Variants in LIMCH1 observed in about 807,000 individuals in gnomAD.
The protein encoded by LIMCH1 is LIM and calponin homology domains 1.
In LIMCH1, 113 loss-of-function variants were observed where a neutral mutation model predicts 176.5. The observed-to-expected ratio is 0.64, with a 90% confidence interval of 0.55 to 0.75. The LOEUF (loss-of-function observed/expected upper bound fraction) is 0.75, where lower values mean the gene tolerates loss of function less well. LIMCH1 is among the 30% of genes least tolerant of loss of function. LIMCH1 has a pLI of 0.00. For missense variants in LIMCH1, 1,674 were observed against 1,814.9 expected (o/e 0.92, Z 1.41); for synonymous variants, 619 against 645.9 (o/e 0.96, Z 0.63).
chr4:41,660,446 TCA>T (rs2094581584), intron 18 of LIMCH1, among the ~76,000 whole-genome samples: 1 of 152,116 alleles, frequency 6.6e-6, no homozygotes, highest in African/African-American at 2.4e-5. Context: ...GAGGTTCAAA[TCA>T]CAGAGACTTC....
exon 2 of LIMCH1, chr4:41,494,581 T>G: frequency 6.2e-7 from 1 of 1,612,830 alleles, no homozygotes; most frequent in South Asian, 1.1e-5. Context: ...TCGGACAGGT[T>G]TAGAAAATGG....
intron 1 of LIMCH1, among the ~76,000 whole-genome samples, chr4:41,371,589 G>A (rs2053970273): frequency 6.6e-6 from 1 of 152,180 alleles, no homozygotes; most frequent in Non-Finnish European, 1.5e-5. Context: ...GGCACCGTTA[G>A]TTCTTTGCGT....
rs180735308 is a variant in LIMCH1, at chr4:41,379,952, C to A, written c.96+19016C>A. On this transcript the variant is annotated intron_variant, in intron 1 of 26. Coordinates refer to the LIMCH1 transcript ENST00000313860. The stretch of plus-strand genomic sequence containing the variant: ...TAGCTGGGATTACAGGTGTGCACTA[C>A]CACACCTGGCTAATTTTGTATTTTT... Among the ~76,000 whole-genome samples, 438 of 152,204 alleles carry A rather than the reference C, an allele frequency of 2.9e-3. 4 individuals carry two copies. Among genetic ancestry groups the A allele is most frequent in the Non-Finnish European group, 5.0e-3 (343 of 68,028 alleles).
Position 41,689,527 on chromosome 4 carries a change from G to T in LIMCH1, c.4167G>T (p.Arg1389Ser). The part of the protein sequence containing the change: ...SPTPPGQSPN[R>S]SISGKKLCSS... ...TTCTTATGTATATTTTTAAACCTAGGTCTATAAGTGGAAAGAAGCTGTGCT... is the reference window on the plus strand; with the variant it reads ...TTCTTATGTATATTTTTAAACCTAGTTCTATAAGTGGAAAGAAGCTGTGCT... Residue 1389 changes from arginine to serine, a missense_variant and splice_region_variant, in exon 30 of 32, where the codon AGG becomes AGT. Physicochemically the swap from Arg to Ser is moderately radical, Grantham distance 110 (BLOSUM62 -1). Transcript: ENST00000503057. The T allele has an allele frequency of 6.4e-7, 1 of 1,569,870 alleles. No individual in the cohort carries two copies. The highest frequency in any genetic ancestry group is 1.3e-5 in the African/African-American group (1 of 74,082).
chr4:41,578,331 G>C (rs534058662), intron 1 of LIMCH1, among the ~76,000 whole-genome samples: 3 of 152,300 alleles, frequency 2.0e-5, no homozygotes, highest in Admixed American at 2.0e-4. Context: ...GAACAGCGTA[G>C]AGGAAACTGC....
intron 1 of LIMCH1, among the ~76,000 whole-genome samples, chr4:41,369,184 C>T (rs1317661095): frequency 2.0e-5 from 3 of 152,230 alleles, no homozygotes; most frequent in South Asian, 2.1e-4. Flanking sequence ...TCTTAGACCC[C>T]CTCCCCCATC....
chr4:41,374,925 T>A (rs2054508707), intron 1 of LIMCH1, among the ~76,000 whole-genome samples: 1 of 152,158 alleles, frequency 6.6e-6, no homozygotes, highest in East Asian at 1.9e-4. Context: ...CACATTCTCA[T>A]TCATGATCAC....
At chr4:41,556,964 C>T (rs1372489329) in intron 1 of LIMCH1, among the ~76,000 whole-genome samples, 1 of 152,174 alleles carries the variant, frequency 6.6e-6, no homozygotes, top group Non-Finnish European at 1.5e-5. Context: ...GTTAATAGAG[C>T]TCTTTATATA....
intron 1 of LIMCH1, among the ~76,000 whole-genome samples, chr4:41,407,582 C>G (rs1028646826): frequency 6.6e-6 from 1 of 152,222 alleles, no homozygotes; most frequent in Non-Finnish European, 1.5e-5. Context: ...TGGTCCGTGT[C>G]CATAGGTGAG....
chr4:41,553,146 G>A (rs1381492821), intron 1 of LIMCH1, among the ~76,000 whole-genome samples: 1 of 152,132 alleles, frequency 6.6e-6, no homozygotes, highest in Non-Finnish European at 1.5e-5. Flanking sequence ...GCAGTGATGG[G>A]CAGCTGTCTG....
rs762741999 is a variant in LIMCH1, at chr4:41,638,936, G to A, written c.2095G>A (p.Gly699Ser). Residue 699 changes from glycine to serine, a missense_variant, in exon 14 of 32, where the codon GGT becomes AGT. This residue lies in a region of LIMCH1 where 1,015 missense variants were observed against 1,102.5 expected (regional missense o/e 0.92). Transcript: ENST00000503057. Reference sequence around the variant, plus strand: ...ATTTTTTATTTGATCTTATAGATACGGTCCGAGAACTCCTGTGTCTGATGA... The same window carrying A: ...ATTTTTTATTTGATCTTATAGATACAGTCCGAGAACTCCTGTGTCTGATGA... ...KGLPMKDQRY[G>S]PRTPVSDDAE... The A allele has an allele frequency of 6.9e-6, 11 of 1,603,656 alleles. No homozygotes were observed. The South Asian group carries it at 7.9e-5, about 11-fold the overall frequency.
intron 1 of LIMCH1, among the ~76,000 whole-genome samples, chr4:41,461,457 T>TA (rs1195706308): frequency 4.6e-5 from 7 of 152,198 alleles, no homozygotes; most frequent in Admixed American, 1.3e-4. Context: ...AAGAAGAAGA[T>TA]AAAAAACATA....
chr4:41,628,404 T>C (rs536100384), intron 8 of LIMCH1, among the ~76,000 whole-genome samples: 3 of 143,572 alleles, frequency 2.1e-5, no homozygotes, highest in East Asian at 4.0e-4. Flanking sequence ...CTAGACAGCA[T>C]CAAAGAACTT....
intron 1 of LIMCH1, among the ~76,000 whole-genome samples, chr4:41,458,337 T>A (rs1051935705): frequency 3.3e-5 from 5 of 152,164 alleles, no homozygotes; most frequent in African/African-American, 7.2e-5. Context: ...TGAAATTAAA[T>A]CAAAGTTTGA....
At chr4:41,425,477 G>T (rs1461153576) in intron 1 of LIMCH1, among the ~76,000 whole-genome samples, 1 of 152,148 alleles carries the variant, frequency 6.6e-6, no homozygotes, top group Non-Finnish European at 1.5e-5. Flanking sequence ...CTCCCAGGTA[G>T]CTGAGACTAC....
rs73135464 is a variant in LIMCH1 at position 41,604,097 on chromosome 4, G to A, written c.-103+192G>A. 0.015 allele frequency: 9,820 copies of A among 645,942 alleles called. 850 individuals are homozygous for A. In the African/African-American group the frequency reaches 0.18, roughly 12 times the overall value. 40.0% of individuals were successfully genotyped at this position (645,942 alleles called of 1,614,324 possible). On this transcript the variant is annotated intron_variant, in intron 3 of 31. Transcript: ENST00000503057. Reference sequence around the variant, plus strand: ...TATGTGTTGGGCTGGGGTGGTGGTGGTTCTCTTTATTTAGATAAGTGCTCA... The same window carrying A: ...TATGTGTTGGGCTGGGGTGGTGGTGATTCTCTTTATTTAGATAAGTGCTCA...
intron 1 of LIMCH1, among the ~76,000 whole-genome samples, chr4:41,583,283 T>C (rs548321677): frequency 3.9e-5 from 6 of 152,094 alleles, no homozygotes; most frequent in Non-Finnish European, 8.8e-5. Flanking sequence ...TAGGAAAGGG[T>C]CCTCTGCAGT....
Position 41,444,021 on chromosome 4 carries a change from A to G in LIMCH1, c.97-50515A>G, listed in dbSNP as rs114296006. Among the ~76,000 whole-genome samples the G allele has an allele frequency of 1.2e-3, 187 of 152,308 alleles. 2 individuals are homozygous for G. Among genetic ancestry groups the G allele is most frequent in the African/African-American group, 4.4e-3 (184 of 41,566 alleles). ...ATCTGTCAGAGAAAACTCTGTAATCATGGACAGTGCAGATATTCCTATCTG... is the reference window on the plus strand; with the variant it reads ...ATCTGTCAGAGAAAACTCTGTAATCGTGGACAGTGCAGATATTCCTATCTG... On this transcript the variant is annotated intron_variant, in intron 1 of 26. Transcript: ENST00000313860.
upstream of LIMCH1, chr4:41,538,098 C>T (rs555956798): frequency 1.4e-5 from 13 of 905,540 alleles, no homozygotes; most frequent in Middle Eastern, 5.7e-4. Context: ...TGGGCTTCTC[C>T]GCCTCCCTCT....
Sources: allele counts gnomAD v4.1 joint callset (sites outside exome capture counted in the v4.1 genomes callset), GRCh38; gene constraint gnomAD v4.1.1; regional missense constraint gnomAD v4.1.1; transcripts MANE v1.5; gene names NCBI Gene and HGNC (gene_info 2026-07-23, HGNC 2026-07-21).